PCDHGC3: variants seen among roughly 807,000 people sequenced by gnomAD.
PCDHGC3 encodes the protein protocadherin gamma subfamily C, 3, also known as protocadherin gamma-C3.
A neutral mutation model predicts 59.2 loss-of-function variants in PCDHGC3; 26 were observed. That is an observed-to-expected ratio of 0.44 (90% CI 0.32 to 0.61). PCDHGC3 has a LOEUF of 0.61. Among genes scored for constraint, PCDHGC3 ranks in the 20% least tolerant of loss-of-function variants. The pLI is 0.05. For missense variants in PCDHGC3, 1,080 were observed against 1,221.8 expected, an observed-to-expected ratio of 0.88 and a Z score of 1.73; for synonymous variants, 487 against 519.7, an observed-to-expected ratio of 0.94 and a Z score of 0.86.
In PCDHGC3 at chr5:141,490,007, C is replaced by T. The variant is rs766407642; in HGVS notation, c.2431-4800C>T. On this transcript the variant is annotated intron_variant, in intron 1 of 3. Coordinates refer to ENST00000308177, the MANE Select transcript of PCDHGC3 (RefSeq NM_002588.4). The surrounding 1 kb of genome is among the most constrained non-coding windows in gnomAD (Gnocchi z 5.4). ...CGTGTGGGAATCCCAGAGAATGCACCCATTGGTACTCTGCTGCTCCGCCTC... is the reference window on the plus strand; with the variant it reads ...CGTGTGGGAATCCCAGAGAATGCACTCATTGGTACTCTGCTGCTCCGCCTC... 6.2e-7 allele frequency: 1 copy of T among 1,614,200 alleles called. No homozygotes were observed. The highest frequency in any genetic ancestry group is 8.5e-7 in the Non-Finnish European group (1 of 1,180,016).
At chr5:141,498,991 AG>A (rs1449718352) in intron 2 of PCDHGC3, among the ~76,000 whole-genome samples, 8 of 144,362 alleles carry the variant, frequency 5.5e-5, no homozygotes, top group Non-Finnish European at 1.0e-4. Context: ...GAAGGAAGGA[AG>A]GAAGGAAGGA....
At chr5:141,492,068 G>A in intron 1 of PCDHGC3, 1 of 479,628 alleles carries the variant, frequency 2.1e-6, no homozygotes, top group Non-Finnish European at 3.7e-6. Flanking sequence ...AGCCTCCTAG[G>A]CGCCGGCTCC....
In PCDHGC3 at chr5:141,487,102, G is replaced by C; in HGVS notation, c.2431-7705G>C. The C allele has an allele frequency of 6.2e-7, 1 of 1,613,900 alleles. No homozygotes were observed. Among genetic ancestry groups the C allele is most frequent in the Non-Finnish European group, 8.5e-7 (1 of 1,179,818 alleles). ...CAGCTGACCTCCCACCACAGAAGCTGGTCATTGTGGTAAAGGATAGTGGTA... is the reference window on the plus strand; with the variant it reads ...CAGCTGACCTCCCACCACAGAAGCTCGTCATTGTGGTAAAGGATAGTGGTA... On this transcript the variant is annotated intron_variant, in intron 1 of 3. Transcript: ENST00000308177. This position sits in a 1 kb window ranked among gnomAD's most constrained non-coding sequence, Gnocchi z 5.0.
In PCDHGC3 at chr5:141,476,327, G is replaced by A. The variant is rs2099389169; in HGVS notation, c.211G>A (p.Gly71Arg). The A allele has an allele frequency of 1.2e-6, 2 of 1,614,192 alleles. No individual in the cohort carries two copies. Among genetic ancestry groups the A allele is most frequent in the African/African-American group, 1.3e-5 (1 of 75,046 alleles). Residue 71 changes from glycine to arginine, a missense_variant, in exon 1 of 4, where the codon GGA becomes AGA. Gly to Arg is a moderately radical substitution (Grantham distance 125, BLOSUM62 -2). Transcript: ENST00000308177. The surrounding 1 kb of genome is among the most constrained non-coding windows in gnomAD (Gnocchi z 7.6). ...AGCCCGCAGGTTCCGGGTGGTGTCT[G>A]GAGCTAGCCGAAGATTCTTTGAGGT... ...LSARRFRVVS[G>R]ASRRFFEVNR...
chr5:141,511,048 C>G lies in PCDHGC3; in HGVS notation c.2680C>G (p.Arg894Gly). The G allele has an allele frequency of 6.2e-7, 1 of 1,614,224 alleles. No homozygotes were observed. Among genetic ancestry groups the G allele is most frequent in the Non-Finnish European group, 8.5e-7 (1 of 1,180,028 alleles). ...QFTLQHVPDYRQNVYIPGSNA... is the reference protein window; with the variant it reads ...QFTLQHVPDYGQNVYIPGSNA... ...CACCCTGCAGCACGTGCCCGACTAC[C>G]GCCAGAATGTCTACATCCCAGGCAG... Residue 894 changes from arginine (R) to glycine (G), a missense_variant, in exon 4 of 4, where the codon CGC becomes GGC. Arg to Gly is a moderately radical substitution (Grantham distance 125, BLOSUM62 -2). Transcript: ENST00000308177.
At chr5:141,502,406 T>G (rs1390520101) in intron 2 of PCDHGC3, among the ~76,000 whole-genome samples, 1 of 152,072 alleles carries the variant, frequency 6.6e-6, no homozygotes, top group African/African-American at 2.4e-5. Context: ...TCCCCGAACC[T>G]GGATTTGCTG....
At position 141,489,494 on chromosome 5, in the gene PCDHGC3, C is replaced by A. The variant is rs1191408769; in HGVS notation, c.2431-5313C>A. ...CTGAGCTTGATGAGTGGTGCCCTGGCAGTGAATCAAAAGATTGACCGAGAA... is the reference window on the plus strand; with the variant it reads ...CTGAGCTTGATGAGTGGTGCCCTGGAAGTGAATCAAAAGATTGACCGAGAA... On this transcript the variant is annotated intron_variant, in intron 1 of 3. Coordinates refer to ENST00000308177, the MANE Select transcript of PCDHGC3 (RefSeq NM_002588.4). This position sits in a 1 kb window ranked among gnomAD's most constrained non-coding sequence, Gnocchi z 4.5. 1.1e-5 allele frequency: 18 copies of A among 1,613,932 alleles called. No individual in the cohort carries two copies. The highest frequency in any genetic ancestry group is 1.7e-5 in the Admixed American group (1 of 59,998).
chr5:141,477,867 C>CGGT lies in PCDHGC3; in HGVS notation c.1751_1752insGGT (p.Thr584_Ser585insVal). On this transcript the variant is annotated inframe_insertion, in exon 1 of 4. Transcript: ENST00000308177. This position sits in a 1 kb window ranked among gnomAD's most constrained non-coding sequence, Gnocchi z 4.9. ...TCGGTGGAGATGCTGCCTCGAGGTA[C>CGGT]CTCAGCTGGCCACCTAGTGTCACGG... 6.2e-7 allele frequency: 1 copy of CGGT among 1,613,614 alleles called. No homozygotes were observed. Among genetic ancestry groups the CGGT allele is most frequent in the Non-Finnish European group, 8.5e-7 (1 of 1,179,854 alleles).
At chr5:141,497,878 C>T (rs553853040) in intron 2 of PCDHGC3, among the ~76,000 whole-genome samples, 32 of 152,256 alleles carry the variant, frequency 2.1e-4, no homozygotes, top group Non-Finnish European at 3.5e-4. Flanking sequence ...GTGAAATAAG[C>T]GTTAGGATCT....
intron 1 of PCDHGC3, among the ~76,000 whole-genome samples, chr5:141,481,761 G>A (rs984825493): frequency 2.6e-5 from 4 of 152,234 alleles, no homozygotes; most frequent in Non-Finnish European, 2.9e-5. Context: ...AGACCAGCCT[G>A]GCCAACATGG....
At position 141,478,467 on chromosome 5, in the gene PCDHGC3, G is replaced by T. The variant is rs2099457769; in HGVS notation, c.2351G>T (p.Ser784Ile). ...CCTGGTGCAGCCAGTCCACTGGCCAGCCGCCAGAACACGCTGCGGAGCTGT... is the reference window on the plus strand; with the variant it reads ...CCTGGTGCAGCCAGTCCACTGGCCATCCGCCAGAACACGCTGCGGAGCTGT... ...KKPGAASPLA[S>I]RQNTLRSCDP... is the part of the protein sequence containing the mutation. The change falls in exon 1 of 4, where the codon AGC (serine) becomes ATC (isoleucine). Residue 784 changes from serine to isoleucine, a missense_variant. By Grantham distance (142) the Ser-to-Ile change is moderately radical. Coordinates refer to ENST00000308177, the MANE Select transcript of PCDHGC3 (RefSeq NM_002588.4). 6.2e-7 allele frequency: 1 copy of T among 1,613,656 alleles called. No homozygotes were observed. Among genetic ancestry groups the T allele is most frequent in the South Asian group, 1.1e-5 (1 of 91,090 alleles).
chr5:141,476,137 G>A lies in PCDHGC3; in HGVS notation c.21G>A (p.Arg7=). The A allele has an allele frequency of 1.2e-6, 2 of 1,609,204 alleles. No homozygotes were observed. The highest frequency in any genetic ancestry group is 1.7e-6 in the Non-Finnish European group (2 of 1,178,592). The change falls in exon 1 of 4, where the codon AGG becomes AGA. Residue 7 remains arginine (R), a synonymous_variant. Coordinates refer to ENST00000308177, the MANE Select transcript of PCDHGC3 (RefSeq NM_002588.4). The surrounding 1 kb of genome is among the most constrained non-coding windows in gnomAD (Gnocchi z 7.6). ...GTGAGATGGTCCCAGAGGCCTGGAGGAGCGGACTGGTAAGCACCGGGAGGG... is the reference window on the plus strand; with the variant it reads ...GTGAGATGGTCCCAGAGGCCTGGAGAAGCGGACTGGTAAGCACCGGGAGGG... MVPEAW[R]SGLVSTGRVV... is the part of the protein sequence containing the mutation.
rs1193497090 is a variant in PCDHGC3 at position 141,485,890 on chromosome 5, C to T, written c.2430+7344C>T. On this transcript the variant is annotated intron_variant, in intron 1 of 3. Coordinates refer to ENST00000308177, the MANE Select transcript of PCDHGC3 (RefSeq NM_002588.4). This position sits in a 1 kb window ranked among gnomAD's most constrained non-coding sequence, Gnocchi z 5.7. ...CCGTGCTGGACGTAAACGACAACGC[C>T]CCAGCCTTCCAGCAATCCAGCTACA... The T allele has an allele frequency of 6.2e-6, 10 of 1,614,156 alleles. No homozygotes were observed. Among genetic ancestry groups the T allele is most frequent in the Non-Finnish European group, 6.8e-6 (8 of 1,180,022 alleles).
intron 1 of PCDHGC3, among the ~76,000 whole-genome samples, chr5:141,492,539 G>A (rs1474928199): frequency 1.3e-5 from 2 of 152,200 alleles, no homozygotes; most frequent in African/African-American, 2.4e-5. Context: ...GCCCCGGGCT[G>A]GGCCGGGTCG....
intron 1 of PCDHGC3, among the ~76,000 whole-genome samples, chr5:141,482,052 T>G (rs2099551017): frequency 6.7e-6 from 1 of 150,154 alleles, no homozygotes; most frequent in Non-Finnish European, 1.5e-5. Flanking sequence ...GCTGTTGCAT[T>G]CCAGCCTGGG....
In PCDHGC3 at chr5:141,485,701, A is replaced by G. The variant is rs747748476; in HGVS notation, c.2430+7155A>G. The G allele has an allele frequency of 1.9e-6, 3 of 1,614,104 alleles. No homozygotes were observed. Among genetic ancestry groups the G allele is most frequent in the Non-Finnish European group, 2.5e-6 (3 of 1,180,010 alleles). On this transcript the variant is annotated intron_variant, in intron 1 of 3. Transcript: ENST00000308177. The surrounding 1 kb of genome is among the most constrained non-coding windows in gnomAD (Gnocchi z 5.7). ...GCAGCTATAGGCTGAGCTCCAATGAACACTTTGCACTGGATGTGAAGAAGC... is the reference window on the plus strand; with the variant it reads ...GCAGCTATAGGCTGAGCTCCAATGAGCACTTTGCACTGGATGTGAAGAAGC...
intron 2 of PCDHGC3, among the ~76,000 whole-genome samples, chr5:141,499,445 C>A (rs904360147): frequency 1.3e-5 from 2 of 152,062 alleles, no homozygotes; most frequent in African/African-American, 4.8e-5. Flanking sequence ...AAAGGAAAAC[C>A]ACCCATCATT....
At position 141,511,481 on chromosome 5, in the gene PCDHGC3, ACTC is replaced by A. The variant is rs2154594681; in HGVS notation, c.*313_*315del. On this transcript the variant is annotated 3_prime_UTR_variant, in exon 4 of 4. Coordinates refer to ENST00000308177, the MANE Select transcript of PCDHGC3 (RefSeq NM_002588.4). ...CCACACCCCGTTTAGTTACAGCTGAACTCCTCCATCTTCCAAATCAATCAGGCC... is the reference window on the plus strand; with the variant it reads ...CCACACCCCGTTTAGTTACAGCTGAACTCCATCTTCCAAATCAATCAGGCC... 2 of 464,080 alleles carry A rather than the reference ACTC, an allele frequency of 4.3e-6. No individual in the cohort carries two copies. The highest frequency in any genetic ancestry group is 7.7e-6 in the Non-Finnish European group (2 of 260,856). The allele number at this position is 464,080 out of a possible 1,614,324, so 28.7% of individuals were successfully genotyped here.
rs1407225048 is a variant in PCDHGC3 at position 141,489,600 on chromosome 5, G to T, written c.2431-5207G>T. On this transcript the variant is annotated intron_variant, in intron 1 of 3. Coordinates refer to ENST00000308177, the MANE Select transcript of PCDHGC3 (RefSeq NM_002588.4). The surrounding 1 kb of genome is among the most constrained non-coding windows in gnomAD (Gnocchi z 4.5). ...ACCCCCTGGAGCTAATCCGTGTAGA[G>T]GTAGAGATCCTGGATCTCAATGACA... The T allele has an allele frequency of 7.4e-6, 12 of 1,613,916 alleles. 1 individual carries two copies. In the South Asian group the frequency reaches 1.2e-4, roughly 16 times the overall value.
Sources: gnomAD v4.1 joint callset for allele counts (sites outside exome capture counted in the v4.1 genomes callset) on GRCh38, gnomAD v4.1.1 for gene constraint, Gnocchi (gnomAD v3.1) non-coding constraint, MANE v1.5 for transcripts, NCBI Gene and HGNC (gene_info 2026-07-23, HGNC 2026-07-21) for gene names.